PDLIM1: variants seen among roughly 807,000 people sequenced by gnomAD.
PDLIM1 encodes the protein PDZ and LIM domain 1.
PDLIM1 carries 25 observed loss-of-function variants against 35.2 expected under a neutral mutation model. That is an observed-to-expected ratio of 0.71 (90% CI 0.52 to 0.99). The LOEUF (loss-of-function observed/expected upper bound fraction) is 0.99, where lower values mean the gene tolerates loss of function less well. PDLIM1 is among the 50% of genes least tolerant of loss of function. PDLIM1 has a pLI of 0.00. For synonymous variants in PDLIM1, 152 were observed against 154.0 expected (o/e 0.99, Z 0.10); for missense variants, 363 against 415.3 (o/e 0.87, Z 1.09).
chr10:95,284,832 C>A (rs1015863151), intron 1 of PDLIM1, among the ~76,000 whole-genome samples: 2 of 152,156 alleles, frequency 1.3e-5, no homozygotes, highest in Non-Finnish European at 2.9e-5. Context: ...ATGGCATTTA[C>A]CAAGGAGACA....
intron 4 of PDLIM1, among the ~76,000 whole-genome samples, chr10:95,252,126 A>G (rs896269145): frequency 1.3e-5 from 2 of 152,198 alleles, no homozygotes; most frequent in African/African-American, 4.8e-5. Flanking sequence ...TTCCCCAACT[A>G]TCTCACTGGG....
At chr10:95,262,922 C>T (rs1374029606) in intron 4 of PDLIM1, among the ~76,000 whole-genome samples, 3 of 152,058 alleles carry the variant, frequency 2.0e-5, no homozygotes, top group Non-Finnish European at 4.4e-5. Context: ...GTGGGAGGAT[C>T]ACTTGGGCCC....
intron 5 of PDLIM1, among the ~76,000 whole-genome samples, chr10:95,241,367 A>G (rs11188246): frequency 0.67 from 101,788 of 152,092 alleles, 36,737 homozygotes; most frequent in Non-Finnish European, 0.81. Flanking sequence ...AACAAGGGGC[A>G]TTTAGAATAC....
At chr10:95,276,700 G>C (rs2035514225) in intron 1 of PDLIM1, among the ~76,000 whole-genome samples, 1 of 152,076 alleles carries the variant, frequency 6.6e-6, no homozygotes, top group African/African-American at 2.4e-5. Flanking sequence ...AATGTTATCT[G>C]CATCATTACA....
chr10:95,254,677 G>GATTAT (rs1191868692), intron 4 of PDLIM1, among the ~76,000 whole-genome samples: 55 of 152,154 alleles, frequency 3.6e-4, no homozygotes, highest in African/African-American at 1.3e-3. Flanking sequence ...AGTACTTTGG[G>GATTAT]AGGTCAATGC....
intron 5 of PDLIM1, among the ~76,000 whole-genome samples, chr10:95,243,322 T>C (rs945669259): frequency 2.0e-5 from 3 of 152,314 alleles, no homozygotes; most frequent in Non-Finnish European, 2.9e-5. Context: ...AAATACTAGC[T>C]TCCTTTGAAC....
At chr10:95,240,083 T>A (rs1232496601) in intron 5 of PDLIM1, among the ~76,000 whole-genome samples, 1 of 152,094 alleles carries the variant, frequency 6.6e-6, no homozygotes, top group African/African-American at 2.4e-5. Flanking sequence ...GTGTGGTGAG[T>A]CCTCAAAGAC....
At chr10:95,239,510 A>C (rs2133406820) in intron 5 of PDLIM1, among the ~76,000 whole-genome samples, 1 of 152,332 alleles carries the variant, frequency 6.6e-6, no homozygotes, top group Non-Finnish European at 1.5e-5. Context: ...ACAAGAAAAA[A>C]ATAAGCCGGG....
chr10:95,242,260 C>A (rs1251760715), intron 5 of PDLIM1, among the ~76,000 whole-genome samples: 3 of 152,190 alleles, frequency 2.0e-5, no homozygotes, highest in Non-Finnish European at 4.4e-5. Context: ...CCAAGCCTTC[C>A]TCCCTTCCTT....
intron 5 of PDLIM1, among the ~76,000 whole-genome samples, chr10:95,245,910 G>T (rs2035214991): frequency 6.6e-6 from 1 of 152,154 alleles, no homozygotes. Flanking sequence ...ATCTTCGGCT[G>T]CGGACTTTGA....
rs1307776764 is a variant in PDLIM1, at chr10:95,268,838, A to G, written c.273T>C (p.Pro91=). 6.2e-7 allele frequency: 1 copy of G among 1,612,188 alleles called. No homozygotes were observed. The highest frequency in any genetic ancestry group is 2.2e-5 in the East Asian group (1 of 44,884). ...VARSEHKVWS[P]LVTEEGKRHP... is the part of the protein sequence containing the mutation. Reference sequence around the variant, plus strand: ...GACGCTTCCCTTCCTCCGTCACCAGAGGAGACCAGACTTTATGTTCAGATC... The same window carrying G: ...GACGCTTCCCTTCCTCCGTCACCAGGGGAGACCAGACTTTATGTTCAGATC... The change falls in exon 3 of 7, where the codon CCT becomes CCC. Residue 91 remains proline (P), a synonymous_variant. Coordinates refer to ENST00000329399, the MANE Select transcript of PDLIM1 (RefSeq NM_020992.4).
chr10:95,239,741 G>A (rs966413731), intron 5 of PDLIM1, among the ~76,000 whole-genome samples: 2 of 152,136 alleles, frequency 1.3e-5, no homozygotes, highest in Non-Finnish European at 1.5e-5. Context: ...GGTTGCAATG[G>A]GCTGAGATTG....
At chr10:95,239,080 C>T (rs1316869632) in intron 5 of PDLIM1, among the ~76,000 whole-genome samples, 1 of 152,086 alleles carries the variant, frequency 6.6e-6, no homozygotes, top group Non-Finnish European at 1.5e-5. Context: ...ACAAACCTGA[C>T]AAAAACAAGC....
chr10:95,268,982 C>G (rs998903274), intron 2 of PDLIM1, 120 bp from the exon 3 acceptor site: 2 of 687,220 alleles, frequency 2.9e-6, no homozygotes, highest in Non-Finnish European at 5.2e-6. Flanking sequence ...ACCCTCCCAT[C>G]AGCTCTACCT....
At chr10:95,273,142 T>C (rs969623636) in intron 1 of PDLIM1, 2 of 152,296 alleles carry the variant, frequency 1.3e-5, no homozygotes, top group African/African-American at 2.4e-5. Flanking sequence ...ACTTTTTTTT[T>C]CCACATTACA....
intron 1 of PDLIM1, among the ~76,000 whole-genome samples, chr10:95,284,542 C>G (rs2035586364): frequency 1.3e-5 from 2 of 152,078 alleles, no homozygotes; most frequent in South Asian, 4.1e-4. Flanking sequence ...TTAGTAGAGA[C>G]AGGGTTTCAC....
intron 1 of PDLIM1, among the ~76,000 whole-genome samples, chr10:95,286,845 C>T (rs1165532957): frequency 6.6e-6 from 1 of 152,200 alleles, no homozygotes; most frequent in African/African-American, 2.4e-5. Flanking sequence ...AAGGCATGGC[C>T]TAAGAATGTG....
At position 95,255,900 on chromosome 10, in the gene PDLIM1, TACACACACAC is replaced by T. The variant is rs59292355; in HGVS notation, c.533+7954_533+7963del. On this transcript the variant is annotated intron_variant, in intron 4 of 6. Coordinates refer to ENST00000329399, the MANE Select transcript of PDLIM1 (RefSeq NM_020992.4). ...GAAAACCCTAAAGATCCCCCCCCAC[TACACACACAC>T]ACACACACACACACACACACACACA... Among the ~76,000 whole-genome samples, 1,241 of 138,964 alleles carry T rather than the reference TACACACACAC, an allele frequency of 8.9e-3. 23 individuals carry two copies. Among genetic ancestry groups the T allele is most frequent in the African/African-American group, 0.03 (1,142 of 37,536 alleles). 91.2% of individuals were successfully genotyped at this position (138,964 alleles called of 152,430 possible).
At chr10:95,286,185 C>T (rs1462417226) in intron 1 of PDLIM1, among the ~76,000 whole-genome samples, 1 of 152,102 alleles carries the variant, frequency 6.6e-6, no homozygotes, top group Non-Finnish European at 1.5e-5. Flanking sequence ...GGCGAAACCC[C>T]ATCTCTACTA....
Sources: allele counts gnomAD v4.1 joint callset (sites outside exome capture counted in the v4.1 genomes callset), GRCh38; gene constraint gnomAD v4.1.1; transcripts MANE v1.5; gene names NCBI Gene and HGNC (gene_info 2026-07-23, HGNC 2026-07-21).